Variants in RARB observed in about 807,000 individuals in gnomAD.
RARB encodes the protein HBV-activated protein.
RARB carries 17 observed loss-of-function variants against 51.9 expected under a neutral mutation model. That is an observed-to-expected ratio of 0.33 (90% confidence interval 0.22 to 0.49). RARB has a LOEUF of 0.49. Ranked by LOEUF, RARB falls within the 20% of genes least tolerant of loss-of-function variation. RARB has a pLI of 0.99. For missense variants in RARB, 369 were observed against 550.8 expected (o/e 0.67, Z 3.30); for synonymous variants, 215 against 195.4 (o/e 1.10, Z -0.84).
At chr3:25,262,034 G>A (rs1180593955) in intron 5 of RARB, among the ~76,000 whole-genome samples, 1 of 152,068 alleles carries the variant, frequency 6.6e-6, no homozygotes, top group East Asian at 1.9e-4. Flanking sequence ...TGGATTAAAG[G>A]CCCTCTGGGG....
At chr3:24,923,242 A>G (rs538626808) in intron 2 of RARB, among the ~76,000 whole-genome samples, 7 of 152,206 alleles carry the variant, frequency 4.6e-5, no homozygotes, top group Non-Finnish European at 1.0e-4. Context: ...GTGCTTAGAT[A>G]GCAAACCTCT....
At chr3:24,970,519 G>A (rs1299261355) in intron 2 of RARB, among the ~76,000 whole-genome samples, 5 of 150,990 alleles carry the variant, frequency 3.3e-5, no homozygotes, top group Admixed American at 6.6e-5. Flanking sequence ...ATCAAAGACC[G>A]GAAAATGTAT....
At chr3:25,154,357 C>A (rs751567649) in intron 4 of RARB, among the ~76,000 whole-genome samples, 2 of 152,198 alleles carry the variant, frequency 1.3e-5, no homozygotes, top group African/African-American at 4.8e-5. Flanking sequence ...CTGGAGTCAG[C>A]CTTCATTGTT....
intron 2 of RARB, among the ~76,000 whole-genome samples, chr3:24,961,919 CTTTTTTTTTTTTTTTTT>C (rs35078496): frequency 2.7e-4 from 19 of 70,674 alleles, no homozygotes; most frequent in African/African-American, 1.0e-3. Context: ...CTTTGGGTGT[CTTTTTTTTTTTTTTTTT>C]TTTTTTTTTT....
rs780055646 is a variant in RARB at position 25,569,755 on chromosome 3, C to T, written c.449-3C>T. 1.9e-6 allele frequency: 3 copies of T among 1,612,776 alleles called. No homozygotes were observed. Among genetic ancestry groups the T allele is most frequent in the Admixed American group, 3.3e-5 (2 of 59,868 alleles). On this transcript the variant is annotated splice_region_variant and splice_polypyrimidine_tract_variant and intron_variant, in intron 3 of 7. Coordinates refer to ENST00000330688, the MANE Select transcript of RARB (RefSeq NM_000965.5). ...CCTGATGTGCCTTCTCTCTCGTTTCCAGCTGTCAGGAATGACAGGAACAAG... is the reference window on the plus strand; with the variant it reads ...CCTGATGTGCCTTCTCTCTCGTTTCTAGCTGTCAGGAATGACAGGAACAAG...
chr3:24,878,867 G>A (rs1575050074), intron 2 of RARB, among the ~76,000 whole-genome samples: 1 of 152,076 alleles, frequency 6.6e-6, no homozygotes, highest in East Asian at 1.9e-4. Flanking sequence ...CCTGCCTATA[G>A]ATAAAGACTT....
intron 3 of RARB, among the ~76,000 whole-genome samples, chr3:25,537,609 G>A (rs963855322): frequency 6.6e-6 from 1 of 152,124 alleles, no homozygotes; most frequent in African/African-American, 2.4e-5. Flanking sequence ...TGTGGAATGA[G>A]GGGACTGTGG....
intron 2 of RARB, among the ~76,000 whole-genome samples, chr3:24,859,252 C>A (rs1559373603): frequency 6.6e-6 from 1 of 151,694 alleles, no homozygotes; most frequent in African/African-American, 2.4e-5. Flanking sequence ...TCTCTTGAAA[C>A]AAGGTGGTTC....
At chr3:25,374,615 A>G (rs73156093) in intron 5 of RARB, among the ~76,000 whole-genome samples, 6,241 of 152,078 alleles carry the variant, frequency 0.041, 144 homozygotes, top group Middle Eastern at 0.065. Flanking sequence ...TCAAGTCTCA[A>G]TCTCCTTTTT....
chr3:24,890,931 C>T (rs1035407013), intron 2 of RARB, among the ~76,000 whole-genome samples: 1 of 152,090 alleles, frequency 6.6e-6, no homozygotes, highest in Admixed American at 6.5e-5. Flanking sequence ...TTTCTTTCTT[C>T]TCCTGCAAAA....
chr3:24,958,255 G>GTTTTTTTTTTTT lies in RARB; in HGVS notation c.-380+99526_-380+99537dup, dbSNP rs71057692. On this transcript the variant is annotated intron_variant, in intron 2 of 11. Transcript: ENST00000383772. ...ACCTGAAGCTTCCTGAGCTGCTCAG[G>GTTTTTTTTTTTT]TTTTTTTTTTTTTTTTTTTTTTTTT... Among the ~76,000 whole-genome samples the GTTTTTTTTTTTT allele has an allele frequency of 4.2e-4, 29 of 69,458 alleles. 1 individual carries two copies. The highest frequency in any genetic ancestry group is 7.7e-4 in the African/African-American group (18 of 23,350). The allele number at this position is 69,458 out of a possible 152,430, so 45.6% of individuals were successfully genotyped here.
chr3:25,331,576 A>G (rs1216167343), intron 5 of RARB, among the ~76,000 whole-genome samples: 2 of 152,236 alleles, frequency 1.3e-5, no homozygotes, highest in African/African-American at 4.8e-5. Flanking sequence ...GAAAGCAGGA[A>G]AGATCTAAAA....
chr3:24,850,151 G>C (rs1702538676), intron 1 of RARB, among the ~76,000 whole-genome samples: 1 of 152,190 alleles, frequency 6.6e-6, no homozygotes, highest in Non-Finnish European at 1.5e-5. Flanking sequence ...ATCCATTCAT[G>C]TGGGTAGAAC....
chr3:25,142,916 G>A (rs537360360), intron 4 of RARB, among the ~76,000 whole-genome samples: 1 of 152,054 alleles, frequency 6.6e-6, no homozygotes, highest in Non-Finnish European at 1.5e-5. Context: ...CTGGATGGCT[G>A]ATCCAGTCTC....
chr3:25,207,770 A>G (rs999145098), intron 5 of RARB, among the ~76,000 whole-genome samples: 1 of 152,224 alleles, frequency 6.6e-6, no homozygotes, highest in Non-Finnish European at 1.5e-5. Context: ...GAACGAATGC[A>G]ATTAAGACTC....
intron 1 of RARB, among the ~76,000 whole-genome samples, chr3:25,456,875 C>T (rs1219072564): frequency 1.3e-5 from 2 of 151,316 alleles, no homozygotes; most frequent in African/African-American, 2.4e-5. Flanking sequence ...ATTATAAAAA[C>T]AGTAGAAAGA....
At chr3:25,385,060 G>GGCAGAATA (rs1432339737) in intron 5 of RARB, among the ~76,000 whole-genome samples, 3 of 152,050 alleles carry the variant, frequency 2.0e-5, no homozygotes, top group African/African-American at 7.2e-5. Flanking sequence ...GATACTTAAA[G>GGCAGAATA]GCAGAATAAA....
intron 4 of RARB, among the ~76,000 whole-genome samples, chr3:25,148,147 T>C (rs1434103651): frequency 6.6e-6 from 1 of 152,210 alleles, no homozygotes; most frequent in East Asian, 1.9e-4. Flanking sequence ...TACACTTTTG[T>C]TTATTACAGA....
intron 2 of RARB, among the ~76,000 whole-genome samples, chr3:24,896,432 T>G (rs1253970647): frequency 1.3e-5 from 2 of 152,098 alleles, no homozygotes; most frequent in African/African-American, 4.8e-5. Context: ...GCTAATTTTT[T>G]GTATTTTTAG....
Sources: allele counts gnomAD v4.1 joint callset (sites outside exome capture counted in the v4.1 genomes callset), GRCh38; gene constraint gnomAD v4.1.1; transcripts MANE v1.5; gene names NCBI Gene and HGNC (gene_info 2026-07-23, HGNC 2026-07-21).